Variants in HSP90AA1 observed in about 807,000 individuals in gnomAD.
HSP90AA1 encodes the protein heat shock protein 90 alpha family class A member 1, also known as heat shock protein HSP 90-alpha.
A neutral mutation model predicts 73.3 loss-of-function variants in HSP90AA1; 18 were observed. The observed-to-expected ratio is 0.25, with a 90% CI of 0.17 to 0.36. The LOEUF is 0.36. HSP90AA1 is among the 10% of genes least tolerant of loss of function. HSP90AA1 has a pLI of 1.00. For missense variants in HSP90AA1, 704 were observed against 874.2 expected (o/e 0.81, Z 2.45); for synonymous variants, 477 against 296.9 (o/e 1.61, Z -6.24).
intron 1 of HSP90AA1, among the ~76,000 whole-genome samples, chr14:102,127,011 A>G (rs1281625810): frequency 2.0e-5 from 3 of 151,176 alleles, no homozygotes; most frequent in African/African-American, 7.3e-5. Flanking sequence ...AATAATGCTG[A>G]TGAGGCTCTT....
At chr14:102,134,056 CAGG>C (rs973809098) in intron 1 of HSP90AA1, among the ~76,000 whole-genome samples, 7 of 151,170 alleles carry the variant, frequency 4.6e-5, no homozygotes, top group Non-Finnish European at 8.8e-5. Flanking sequence ...GACGCTGAGG[CAGG>C]AGAATTGCTT....
intron 1 of HSP90AA1, among the ~76,000 whole-genome samples, chr14:102,130,387 C>T (rs963737516): frequency 2.6e-5 from 4 of 152,166 alleles, no homozygotes; most frequent in African/African-American, 9.7e-5. Context: ...GGCTATATTA[C>T]TTTTCCTTCC....
intron 2 of HSP90AA1, among the ~76,000 whole-genome samples, chr14:102,092,272 T>C (rs979343169): frequency 9.2e-5 from 14 of 152,014 alleles, no homozygotes; most frequent in African/African-American, 2.9e-4. Flanking sequence ...GCTTTCACCA[T>C]GTTCACCAGG....
intron 2 of HSP90AA1, among the ~76,000 whole-genome samples, chr14:102,093,413 G>A (rs1415333286): frequency 1.3e-5 from 2 of 149,708 alleles, no homozygotes; most frequent in Non-Finnish European, 3.0e-5. Flanking sequence ...GGAGGCTGAG[G>A]CAAGAGAACC....
intron 1 of HSP90AA1, among the ~76,000 whole-genome samples, chr14:102,113,007 A>G (rs527923042): frequency 1.3e-5 from 2 of 151,632 alleles, no homozygotes; most frequent in Non-Finnish European, 2.9e-5. Flanking sequence ...CATTTGTGTC[A>G]TTTGTTTTGT....
In HSP90AA1 at chr14:102,110,672, C is replaced by T. The variant is rs189673969; in HGVS notation, c.156-8587G>A. ...TTGGCTCACTGCAAGCTCCGCCTCCCGGGTTCACGCCATTCTCCTGCCTCA... is the reference window on the plus strand; with the variant it reads ...TTGGCTCACTGCAAGCTCCGCCTCCTGGGTTCACGCCATTCTCCTGCCTCA... On this transcript the variant is annotated intron_variant, in intron 1 of 11. Transcript: ENST00000334701. Among the ~76,000 whole-genome samples, 1,454 of 151,700 alleles carry T rather than the reference C, an allele frequency of 9.6e-3. 17 individuals carry two copies. Among genetic ancestry groups the T allele is most frequent in the Non-Finnish European group, 0.012 (844 of 67,838 alleles).
At chr14:102,084,110 C>T in intron 6 of HSP90AA1, 127 bp from the exon 7 acceptor site, 5 of 847,038 alleles carry the variant, frequency 5.9e-6, no homozygotes, top group South Asian at 4.3e-5. Context: ...CACTCTGTTG[C>T]CCAGGCTGGA....
At chr14:102,105,766 G>A (rs1257721692) in intron 1 of HSP90AA1, among the ~76,000 whole-genome samples, 2 of 152,080 alleles carry the variant, frequency 1.3e-5, no homozygotes, top group African/African-American at 2.4e-5. Flanking sequence ...TGGACACATG[G>A]AGACAATTAG....
At chr14:102,086,437 A>C in intron 1 of HSP90AA1, 59 bp from the exon 2 acceptor site, 2 of 1,572,082 alleles carry the variant, frequency 1.3e-6, no homozygotes, top group Admixed American at 1.7e-5. Context: ...GCAACACGAA[A>C]TTCCATCGCG....
At chr14:102,082,077 T>C (rs1167239477) in intron 10 of HSP90AA1, 34 bp downstream of exon 10, 1 of 1,420,080 alleles carries the variant, frequency 7.0e-7, no homozygotes, top group Admixed American at 1.7e-5. Context: ...CGTGTGTTTA[T>C]TTTCTTTTTA....
At chr14:102,137,356 C>T (rs1483975475) in intron 1 of HSP90AA1, among the ~76,000 whole-genome samples, 1 of 151,746 alleles carries the variant, frequency 6.6e-6, no homozygotes, top group Non-Finnish European at 1.5e-5. Context: ...GATGGAGTCT[C>T]GCTCTGTTGC....
chr14:102,081,807 C>A lies in HSP90AA1; in HGVS notation c.2104G>T (p.Asp702Tyr). The change falls in exon 11 of 11, where the codon GAC becomes TAC. Residue 702 changes from aspartate (D) to tyrosine (Y), a missense_variant. Asp to Tyr is a radical substitution (Grantham distance 160). Coordinates refer to ENST00000216281, the MANE Select transcript of HSP90AA1 (RefSeq NM_005348.4). ...IKLGLGIDED[D>Y]PTADDTSAAV... ...GCACTGGTATCATCAGCAGTAGGGT[C>A]ATCTTCATCAATACCTGTTTCCAAA... 6.7e-7 allele frequency: 1 copy of A among 1,503,012 alleles called. No homozygotes were observed. Among genetic ancestry groups the A allele is most frequent in the East Asian group, 2.3e-5 (1 of 44,378 alleles). The allele number at this position is 1,503,012 out of a possible 1,614,324, so 93.1% of individuals were successfully genotyped here. A position where few individuals can be genotyped will look rare whatever the true frequency, so the allele number is the denominator to read the frequency against.
upstream of HSP90AA1, among the ~76,000 whole-genome samples, chr14:102,087,907 T>C (rs1418485096): frequency 1.3e-5 from 2 of 151,894 alleles, no homozygotes. Context: ...ATCTAACACT[T>C]TGGTGATTAA....
upstream of HSP90AA1, chr14:102,087,136 C>T (rs2049264182): frequency 1.0e-6 from 1 of 984,218 alleles, no homozygotes; most frequent in Admixed American, 6.2e-5. Flanking sequence ...TCCGGAAGAA[C>T]CCTCCCCAGC....
upstream of HSP90AA1, among the ~76,000 whole-genome samples, chr14:102,091,485 G>A (rs1281812212): frequency 6.6e-6 from 1 of 151,966 alleles, no homozygotes. Flanking sequence ...ATTTAGCTGG[G>A]TGTGGCAGCA....
intron 1 of HSP90AA1, among the ~76,000 whole-genome samples, chr14:102,136,278 C>G (rs142387727): frequency 0.017 from 2,603 of 152,228 alleles, 50 homozygotes; most frequent in South Asian, 0.097. Context: ...TTTAGAAATA[C>G]CCGGTTTGGG....
At chr14:102,126,909 T>C (rs1425552282) in intron 1 of HSP90AA1, among the ~76,000 whole-genome samples, 1 of 152,198 alleles carries the variant, frequency 6.6e-6, no homozygotes, top group Non-Finnish European at 1.5e-5. Flanking sequence ...AATTAACAAA[T>C]GAATCTTACT....
Position 102,080,924 on chromosome 14 carries a change from A to C in HSP90AA1, c.*788T>G. 4.4e-6 allele frequency: 1 copy of C among 228,500 alleles called. No individual in the cohort carries two copies. The highest frequency in any genetic ancestry group is 6.2e-5 in the East Asian group (1 of 16,010). The allele number at this position is 228,500 out of a possible 1,614,324, so 14.2% of individuals were successfully genotyped here. Reference sequence around the variant, plus strand: ...CTGCTGAGTACATGCTGGGAAGACCATGTCAACCCTTGGAGCAGCTAGTGT... The same window carrying C: ...CTGCTGAGTACATGCTGGGAAGACCCTGTCAACCCTTGGAGCAGCTAGTGT... On this transcript the variant is annotated 3_prime_UTR_variant, in exon 11 of 11. Transcript: ENST00000216281.
intron 1 of HSP90AA1, chr14:102,139,241 C>T (rs373519712): frequency 1.4e-5 from 23 of 1,613,942 alleles, no homozygotes; most frequent in Non-Finnish European, 1.8e-5. Context: ...ATCTTGAGTC[C>T]CTTGGTACCT....
Sources: allele counts gnomAD v4.1 joint callset (sites outside exome capture counted in the v4.1 genomes callset), GRCh38; gene constraint gnomAD v4.1.1; transcripts MANE v1.5; gene names NCBI Gene and HGNC (gene_info 2026-07-23, HGNC 2026-07-21).